The following PRPF39 variants were observed in gnomAD, a reference collection of about 807,000 sequenced individuals.
The protein encoded by PRPF39 is pre-mRNA-processing factor 39.
Under a neutral mutation model 82.1 loss-of-function variants are expected in PRPF39, and 27 were observed. The observed-to-expected ratio is 0.33, with a 90% CI of 0.24 to 0.45. PRPF39 has a LOEUF of 0.45. PRPF39 is among the 20% of genes least tolerant of loss of function. The probability of loss-of-function intolerance (pLI) is 1.00; values close to 1 mark genes in which losing one functional copy is unlikely to be tolerated. For missense variants in PRPF39, 581 were observed against 796.9 expected, an observed-to-expected ratio of 0.73 and a Z score of 3.26; for synonymous variants, 261 against 256.4, an observed-to-expected ratio of 1.02 and a Z score of -0.17.
intron 5 of PRPF39, among the ~76,000 whole-genome samples, chr14:45,106,942 T>C (rs1884551765): frequency 6.6e-6 from 1 of 152,168 alleles, no homozygotes; most frequent in African/African-American, 2.4e-5. Context: ...CGTACTCACA[T>C]GTGGATGAGG....
chr14:45,110,955 A>T lies in PRPF39; in HGVS notation c.1572+138A>T. ...CTAAATGAGGACAACAGTCCCTCTA[A>T]ACTGATGTTGCCATTTAAAAATTTT... On this transcript the variant is annotated intron_variant, in intron 10 of 13. Transcript: ENST00000355765. This position sits in a 1 kb window ranked among gnomAD's most constrained non-coding sequence, Gnocchi z 4.0. 1 of 859,418 alleles carries T rather than the reference A, an allele frequency of 1.2e-6. No homozygotes were observed. Among genetic ancestry groups the T allele is most frequent in the Non-Finnish European group, 1.7e-6 (1 of 579,776 alleles). The allele number at this position is 859,418 out of a possible 1,614,324, so 53.2% of individuals were successfully genotyped here. A position where few individuals can be genotyped will look rare whatever the true frequency, so the allele number is the denominator to read the frequency against.
chr14:45,087,476 C>T (rs1045267368), intron 1 of PRPF39, among the ~76,000 whole-genome samples: 1 of 151,946 alleles, frequency 6.6e-6, no homozygotes, highest in African/African-American at 2.4e-5. Flanking sequence ...CATTTTTATA[C>T]CGAGGTATGT....
At chr14:45,113,042 C>A (rs1347230533) in intron 11 of PRPF39, among the ~76,000 whole-genome samples, 1 of 152,194 alleles carries the variant, frequency 6.6e-6, no homozygotes, top group Non-Finnish European at 1.5e-5. Context: ...ACTAAGAGTA[C>A]AAATATTGGC....
At position 45,108,480 on chromosome 14, in the gene PRPF39, T is replaced by C. The variant is rs1884605854; in HGVS notation, c.969T>C (p.Tyr323=). Residue 323 remains tyrosine, a synonymous_variant, in exon 7 of 14, where the codon TAT becomes TAC. Transcript: ENST00000355765. ...AGATTCATCAAGAAATGTTTAATTA[T>C]AATGAGCATGAAGTTAGTAAAAGGT... ...IIEIHQEMFN[Y]NEHEVSKRWT... is the part of the protein sequence containing the mutation. 1 of 1,603,064 alleles carries C rather than the reference T, an allele frequency of 6.2e-7. No homozygotes were observed.
Position 45,110,047 on chromosome 14 carries a change from C to T in PRPF39, c.1177-47C>T. 1 of 1,604,716 alleles carries T rather than the reference C, an allele frequency of 6.2e-7. No individual in the cohort carries two copies. Among genetic ancestry groups the T allele is most frequent in the South Asian group, 1.1e-5 (1 of 89,910 alleles). ...TATCGTTCTGTCACAAATTTAATGG[C>T]TTGTTCAACTGTAAATTATTCAGTA... On this transcript the variant is annotated intron_variant, in intron 8 of 13. Transcript: ENST00000355765. The surrounding 1 kb of genome is among the most constrained non-coding windows in gnomAD (Gnocchi z 4.0).
At position 45,096,011 on chromosome 14, in the gene PRPF39, TA is replaced by T; in HGVS notation, c.325-91del. 3.4e-6 allele frequency: 4 copies of T among 1,192,840 alleles called. No individual in the cohort carries two copies. The South Asian group carries it at 7.0e-5, about 21-fold the overall frequency. The allele number at this position is 1,192,840 out of a possible 1,614,324, so 73.9% of individuals were successfully genotyped here. A position where few individuals can be genotyped will look rare whatever the true frequency, so the allele number is the denominator to read the frequency against. On this transcript the variant is annotated intron_variant, in intron 2 of 13. Transcript: ENST00000355765. ...AGTTTTTAAGCCTGCCATTTATTAT[TA>T]TTTTTTTAGATAATAACGTTTGAAA... is the stretch of plus-strand genomic sequence containing the variant.
intron 5 of PRPF39, among the ~76,000 whole-genome samples, chr14:45,106,219 C>T (rs956177634): frequency 6.6e-5 from 10 of 151,910 alleles, no homozygotes; most frequent in African/African-American, 1.9e-4. Flanking sequence ...CGTGGTGGTG[C>T]GCACCTGTAA....
rs762795453 is a variant in PRPF39 at position 45,108,563 on chromosome 14, T to C, written c.1011+41T>C. ...TTGTAATAGTCTTTAAAATACAAAG[T>C]AGGAATAATTTATTTTTCTTTCAAT... On this transcript the variant is annotated intron_variant, in intron 7 of 13. Coordinates refer to ENST00000355765, the MANE Select transcript of PRPF39 (RefSeq NM_017922.4). The C allele has an allele frequency of 7.2e-5, 112 of 1,552,652 alleles. 1 individual carries two copies. The South Asian group carries it at 1.4e-3, about 19-fold the overall frequency.
intron 7 of PRPF39, among the ~76,000 whole-genome samples, chr14:45,109,298 T>C (rs1192453162): frequency 1.3e-5 from 2 of 152,208 alleles, no homozygotes; most frequent in African/African-American, 4.8e-5. Context: ...TCTCCACTCC[T>C]AGCACTAGGC....
intron 11 of PRPF39, among the ~76,000 whole-genome samples, chr14:45,112,746 C>G (rs551463607): frequency 6.6e-6 from 1 of 152,134 alleles, no homozygotes; most frequent in Non-Finnish European, 1.5e-5. Context: ...ACAATTTAAA[C>G]CATGACTGAA....
At chr14:45,085,232 A>G (rs1883784568) in intron 1 of PRPF39, among the ~76,000 whole-genome samples, 1 of 152,180 alleles carries the variant, frequency 6.6e-6, no homozygotes, top group African/African-American at 2.4e-5. Context: ...CTCATTCTAG[A>G]GTTGCAAAAG....
At chr14:45,085,532 T>A (rs927329583) in intron 1 of PRPF39, among the ~76,000 whole-genome samples, 1 of 152,190 alleles carries the variant, frequency 6.6e-6, no homozygotes, top group Non-Finnish European at 1.5e-5. Flanking sequence ...AAATTAAAAA[T>A]AGCCGAAGGA....
At chr14:45,101,480 A>G (rs1042128490) in intron 4 of PRPF39, among the ~76,000 whole-genome samples, 60 of 151,642 alleles carry the variant, frequency 4.0e-4, no homozygotes, top group Non-Finnish European at 2.1e-4. Flanking sequence ...TTCTTTGGAG[A>G]CAGAGTCTTG....
intron 3 of PRPF39, chr14:45,096,549 TTG>T (rs953012087): frequency 7.0e-7 from 1 of 1,431,742 alleles, no homozygotes; most frequent in African/African-American, 1.4e-5. Context: ...AACAATATAG[TTG>T]GTTTGCTAGT....
chr14:45,104,165 TA>T (rs1474715474), intron 5 of PRPF39, among the ~76,000 whole-genome samples: 1 of 152,190 alleles, frequency 6.6e-6, no homozygotes, highest in Non-Finnish European at 1.5e-5. Context: ...TATTTCTAAA[TA>T]AATATCCCAC....
chr14:45,096,440 C>CTT, intron 3 of PRPF39: 1 of 1,484,908 alleles, frequency 6.7e-7, no homozygotes, highest in Non-Finnish European at 9.0e-7. Flanking sequence ...TAAACCTCTA[C>CTT]AGTTTGTCAA....
intron 4 of PRPF39, among the ~76,000 whole-genome samples, chr14:45,097,553 A>C (rs935874728): frequency 3.3e-5 from 5 of 152,180 alleles, no homozygotes; most frequent in African/African-American, 1.2e-4. Flanking sequence ...ATGTTCCTTC[A>C]AAAATGGTAT....
rs1457429732 is a variant in PRPF39, at chr14:45,094,405, A to G, written c.-19-816A>G. 2.6e-5 allele frequency among the ~76,000 whole-genome samples: 4 copies of G among 152,176 alleles called. No homozygotes were observed. The East Asian group carries it at 7.7e-4, about 29-fold the overall frequency. ...TTATCCAGACTGTAAGCCTTTCTCAAATATGTTTTTTAGAGGTAGGGTCGT... is the reference window on the plus strand; with the variant it reads ...TTATCCAGACTGTAAGCCTTTCTCAGATATGTTTTTTAGAGGTAGGGTCGT... On this transcript the variant is annotated intron_variant, in intron 1 of 13. Transcript: ENST00000355765.
chr14:45,096,202 C>CACGACA lies in PRPF39; in HGVS notation c.427_432dup (p.Asp143_Asn144dup). On this transcript the variant is annotated inframe_insertion, in exon 3 of 14. Coordinates refer to ENST00000355765, the MANE Select transcript of PRPF39 (RefSeq NM_017922.4). Reference sequence around the variant, plus strand: ...AAAGTATGCAGACCTTGAAAAGCGGCACGACAACATTAAACCATCAGATGA... The same window carrying CACGACA: ...AAAGTATGCAGACCTTGAAAAGCGGCACGACAACGACAACATTAAACCATCAGATGA... 1 of 1,590,940 alleles carries CACGACA rather than the reference C, an allele frequency of 6.3e-7. No homozygotes were observed. Among genetic ancestry groups the CACGACA allele is most frequent in the Non-Finnish European group, 8.6e-7 (1 of 1,167,954 alleles).
Sources: allele counts gnomAD v4.1 joint callset (sites outside exome capture counted in the v4.1 genomes callset), GRCh38; gene constraint gnomAD v4.1.1; non-coding constraint Gnocchi (gnomAD v3.1); transcripts MANE v1.5; gene names NCBI Gene and HGNC (gene_info 2026-07-23, HGNC 2026-07-21).